LAMA5: variants seen among roughly 807,000 people sequenced by gnomAD.
LAMA5 encodes the protein laminin subunit alpha 5.
A neutral mutation model predicts 433.4 loss-of-function variants in LAMA5; 260 were observed. The ratio of observed to expected loss-of-function variants is 0.60; its 90% CI spans 0.54 to 0.66. The LOEUF (loss-of-function observed/expected upper bound fraction) is 0.66. Among genes scored for constraint, LAMA5 ranks in the 30% least tolerant of loss-of-function variants. The pLI is 0.00. For missense variants in LAMA5, 5,378 were observed against 5,258.5 expected (o/e 1.02, Z -0.70); for synonymous variants, 2,620 against 2,226.6 (o/e 1.18, Z -4.97).
At chr20:62,352,398 C>T (rs1568976197) in intron 3 of LAMA5, 38 bp from the exon 4 acceptor site, 1 of 1,537,430 alleles carries the variant, frequency 6.5e-7, no homozygotes, top group Non-Finnish European at 8.9e-7. Context: ...GCTGGATCAC[C>T]AGAAAAGCCT....
At position 62,327,641 on chromosome 20, in the gene LAMA5, T is replaced by C. The variant is rs1201508853; in HGVS notation, c.4826A>G (p.Gln1609Arg). ...KENVQGPKCD[Q>R]CSLGTFSLDA... ...CAGTGAGAAGGTCCCAAGGCTGCAC[T>C]GGTCACATTTGGGGCCCTGCACGTT... The change falls in exon 37 of 80, where the codon CAG (glutamine) becomes CGG (arginine). Residue 1609 changes from glutamine (Q) to arginine (R), a missense_variant. Coordinates refer to ENST00000252999, the MANE Select transcript of LAMA5 (RefSeq NM_005560.6). The C allele has an allele frequency of 1.2e-6, 2 of 1,613,156 alleles. No individual in the cohort carries two copies. The highest frequency in any genetic ancestry group is 1.7e-5 in the Admixed American group (1 of 60,020).
At chr20:62,355,077 G>A (rs1193516635) in intron 2 of LAMA5, among the ~76,000 whole-genome samples, 2 of 152,208 alleles carry the variant, frequency 1.3e-5, no homozygotes, top group African/African-American at 2.4e-5. Flanking sequence ...GGAGACCTCA[G>A]TACTCAGCCC....
rs77265947 is a variant in LAMA5 at position 62,328,474 on chromosome 20, C to T, written c.4448-29G>A. The T allele has an allele frequency of 2.5e-3, 3,644 of 1,461,444 alleles. 66 individuals are homozygous for T. The African/African-American group carries it at 0.044, about 18-fold the overall frequency. The allele number at this position is 1,461,444 out of a possible 1,614,324, so 90.5% of individuals were successfully genotyped here. The stretch of plus-strand genomic sequence containing the variant: ...TGGGGCGGGTACAGGGTTTACTGAC[C>T]CCTCTTCCCAGTCCCGCCCCTCTCA... On this transcript the variant is annotated intron_variant, in intron 34 of 79. Coordinates refer to ENST00000252999, the MANE Select transcript of LAMA5 (RefSeq NM_005560.6).
chr20:62,328,796 C>CA (rs1466714975), intron 34 of LAMA5, 48 bp downstream of exon 34: 1 of 1,568,682 alleles, frequency 6.4e-7, no homozygotes, highest in Non-Finnish European at 8.7e-7. Context: ...ACCTTGGGCT[C>CA]TGGCACCAAC....
chr20:62,322,747 T>G lies in LAMA5; in HGVS notation c.6076A>C (p.Thr2026Pro). Residue 2026 changes from threonine to proline, a missense_variant, in exon 46 of 80, where the codon ACC becomes CCC. Physicochemically the swap from Thr to Pro is conservative, Grantham distance 38 (BLOSUM62 -1). Transcript: ENST00000252999. Reference protein sequence around the residue: ...LPGNCTRCDCTPCGTEACDPH... With the variant: ...LPGNCTRCDCPPCGTEACDPH... Reference sequence around the variant, plus strand: ...TCGCAGGCCTCTGTCCCACATGGGGTACAGTCGCACCCTGCAGAAGGGGTC... The same window carrying G: ...TCGCAGGCCTCTGTCCCACATGGGGGACAGTCGCACCCTGCAGAAGGGGTC... 6.6e-7 allele frequency: 1 copy of G among 1,511,172 alleles called. No individual in the cohort carries two copies. The highest frequency in any genetic ancestry group is 1.4e-5 in the African/African-American group (1 of 71,954). 93.6% of individuals were successfully genotyped at this position (1,511,172 alleles called of 1,614,324 possible). A position where few individuals can be genotyped will look rare whatever the true frequency, so the allele number is the denominator to read the frequency against.
At chr20:62,329,657 TG>T in intron 32 of LAMA5, 119 bp downstream of exon 32, 1 of 1,300,164 alleles carries the variant, frequency 7.7e-7, no homozygotes, top group Non-Finnish European at 1.1e-6. Flanking sequence ...GCTGCTTTGC[TG>T]GGCACAAGGC....
intron 6 of LAMA5, among the ~76,000 whole-genome samples, chr20:62,347,722 C>A (rs917170453): frequency 2.0e-5 from 3 of 152,216 alleles, no homozygotes; most frequent in Admixed American, 6.5e-5. Flanking sequence ...AGCCAGACCA[C>A]AGCGGGAGTC....
chr20:62,344,144 CAAA>C (rs34940052), intron 11 of LAMA5, among the ~76,000 whole-genome samples: 22 of 82,628 alleles, frequency 2.7e-4, no homozygotes, highest in Admixed American at 5.6e-4. Flanking sequence ...AACTCCATCT[CAAA>C]AAAAAAAAAA....
At chr20:62,337,989 C>G in intron 14 of LAMA5, 27 bp downstream of exon 14, 1 of 1,593,352 alleles carries the variant, frequency 6.3e-7, no homozygotes, top group Non-Finnish European at 8.6e-7. Context: ...GTGGCAGAAC[C>G]CCTTCCTGCC....
intron 34 of LAMA5, 120 bp from the exon 35 acceptor site, chr20:62,328,565 AC>A: frequency 1.8e-6 from 2 of 1,085,980 alleles, no homozygotes; most frequent in Non-Finnish European, 2.6e-6. Context: ...AAGAACAGGG[AC>A]CCCTGCCCCG....
chr20:62,318,507 G>A lies in LAMA5; in HGVS notation c.7186C>T (p.Arg2396Trp), dbSNP rs202175525. The part of the protein sequence containing the change: ...EALNRAVDAT[R>W]EAQELNSRNQ... ...CGGCTGTTGAGCTCCTGGGCCTCCC[G>A]TGTGGCGTCCACTGCCCGGTTCAAA... is the stretch of plus-strand genomic sequence containing the variant. Residue 2396 changes from arginine to tryptophan, a missense_variant, in exon 53 of 80, where the codon CGG (arginine) becomes TGG (tryptophan). Arg to Trp is a moderately radical substitution (Grantham distance 101). Coordinates refer to ENST00000252999, the MANE Select transcript of LAMA5 (RefSeq NM_005560.6). 53 of 1,608,974 alleles carry A rather than the reference G, an allele frequency of 3.3e-5. No homozygotes were observed. Among genetic ancestry groups the A allele is most frequent in the Admixed American group, 8.4e-5 (5 of 59,876 alleles).
chr20:62,361,960 G>A (rs73313250), intron 2 of LAMA5, among the ~76,000 whole-genome samples: 5 of 152,158 alleles, frequency 3.3e-5, no homozygotes, highest in African/African-American at 7.2e-5. Flanking sequence ...CCGCCACCTC[G>A]GCACAGGTAT....
chr20:62,345,573 A>C, intron 11 of LAMA5: 1 of 645,704 alleles, frequency 1.5e-6, no homozygotes. Flanking sequence ...CACCCAGCTA[A>C]TTTTTGTATT....
In LAMA5 at chr20:62,311,199, G is replaced by A; in HGVS notation, c.10051C>T (p.Leu3351=). Reference sequence around the variant, plus strand: ...CGGGCCAGGATGCCCACAAACTCCAGGTGACTGGACAGGGAACCCCCAAAC... The same window carrying A: ...CGGGCCAGGATGCCCACAAACTCCAAGTGACTGGACAGGGAACCCCCAAAC... ...YQFGGSLSSH[L]EFVGILARHR... Residue 3351 remains leucine, a synonymous_variant, in exon 73 of 80, where the codon CTG becomes TTG. Transcript: ENST00000252999. 6.2e-7 allele frequency: 1 copy of A among 1,609,108 alleles called. No individual in the cohort carries two copies. Among genetic ancestry groups the A allele is most frequent in the Non-Finnish European group, 8.5e-7 (1 of 1,178,334 alleles).
intron 32 of LAMA5, 29 bp from the exon 33 acceptor site, chr20:62,329,282 G>A (rs530084304): frequency 5.9e-5 from 91 of 1,544,582 alleles, no homozygotes; most frequent in South Asian, 5.8e-4. Context: ...TCACTCTCCC[G>A]CGGGCCCAGA....
intron 55 of LAMA5, 110 bp downstream of exon 55, chr20:62,317,235 G>A (rs892506374): frequency 2.3e-6 from 3 of 1,293,844 alleles, no homozygotes; most frequent in African/African-American, 3.0e-5. Context: ...TGGCTTCTTT[G>A]AGGACAACGG....
chr20:62,336,528 G>T, intron 17 of LAMA5, 83 bp from the exon 18 acceptor site: 1 of 1,298,882 alleles, frequency 7.7e-7, no homozygotes, highest in Non-Finnish European at 1.1e-6. Flanking sequence ...CCCTGACAAG[G>T]GGTGGTGAGG....
chr20:62,336,505 T>C (rs1483167070), intron 17 of LAMA5, 60 bp from the exon 18 acceptor site: 28 of 1,400,202 alleles, frequency 2.0e-5, no homozygotes, highest in Non-Finnish European at 2.8e-5. Flanking sequence ...CCACAAACCA[T>C]AGAGCCATAG....
intron 3 of LAMA5, among the ~76,000 whole-genome samples, chr20:62,352,823 G>A (rs761943750): frequency 1.6e-3 from 246 of 152,280 alleles, no homozygotes; most frequent in Admixed American, 3.5e-3. Flanking sequence ...GGCAGGAGGT[G>A]AGGTGGGAGC....
Sources: gnomAD v4.1 joint callset for allele counts (sites outside exome capture counted in the v4.1 genomes callset) on GRCh38, gnomAD v4.1.1 for gene constraint, MANE v1.5 for transcripts, NCBI Gene and HGNC (gene_info 2026-07-23, HGNC 2026-07-21) for gene names.